ZFAT: variants seen among roughly 807,000 people sequenced by gnomAD.
ZFAT encodes zinc finger protein ZFAT.
Under a neutral mutation model 117.7 loss-of-function variants are expected in ZFAT, and 64 were observed. The ratio of observed to expected loss-of-function variants is 0.54; its 90% CI spans 0.44 to 0.67. The LOEUF (loss-of-function observed/expected upper bound fraction) is 0.67, where lower values mean the gene tolerates loss of function less well. Among genes scored for constraint, ZFAT ranks in the 30% least tolerant of loss-of-function variants. The pLI, the probability that ZFAT is intolerant of heterozygous loss-of-function variation, is 0.00. For missense variants in ZFAT, 1,433 were observed against 1,584.5 expected (o/e 0.90, Z 1.62); for synonymous variants, 679 against 615.0 (o/e 1.10, Z -1.54).
intron 1 of ZFAT, among the ~76,000 whole-genome samples, chr8:134,693,561 A>G (rs1027140718): frequency 2.0e-5 from 3 of 152,016 alleles, no homozygotes; most frequent in African/African-American, 7.3e-5. Flanking sequence ...TGCCTGTATC[A>G]AAGCATCACA....
the ZFAT span, among the ~76,000 whole-genome samples, chr8:134,722,565 C>T: frequency 2.5e-3 from 378 of 152,280 alleles, 1 homozygote; most frequent in African/African-American, 8.4e-3. Context: ...AGAAACGATC[C>T]GTGGTGTCAC....
Position 134,520,884 on chromosome 8 carries a change from T to G in ZFAT, c.3233A>C (p.Glu1078Ala), listed in dbSNP as rs778357529. ...VVEIDGDPKW[E>A]TATEAPEEPS... ...TAATACCATACTTAAAAAAATTACC[T>G]CCCACTTGGGGTCTCCATCAATTTC... is the stretch of plus-strand genomic sequence containing the variant. The change falls in exon 13 of 16, where the codon GAG (glutamate) becomes GCG (alanine). Residue 1078 changes from glutamate (E) to alanine (A), a missense_variant and splice_region_variant. Coordinates refer to ENST00000377838, the MANE Select transcript of ZFAT (RefSeq NM_020863.4). 1 of 1,612,866 alleles carries G rather than the reference T, an allele frequency of 6.2e-7. No homozygotes were observed. Among genetic ancestry groups the G allele is most frequent in the Non-Finnish European group, 8.5e-7 (1 of 1,179,170 alleles).
the ZFAT span, among the ~76,000 whole-genome samples, chr8:134,771,292 C>T: frequency 0.46 from 69,765 of 152,088 alleles, 16,784 homozygotes; most frequent in African/African-American, 0.61. Flanking sequence ...TTAAAGAAAA[C>T]AGAAAAGAAC....
intron 15 of ZFAT, among the ~76,000 whole-genome samples, chr8:134,499,326 G>T (rs551272665): frequency 7.0e-6 from 1 of 142,554 alleles, no homozygotes; most frequent in African/African-American, 2.6e-5. Context: ...GGTAGGGTCG[G>T]GGTGGAGCTG....
chr8:134,712,017 T>C (rs1814018592), intron 1 of ZFAT, among the ~76,000 whole-genome samples: 1 of 152,182 alleles, frequency 6.6e-6, no homozygotes, highest in South Asian at 2.1e-4. Context: ...GCCAGACTGA[T>C]GGGCAGGCGT....
rs199849844 is a variant in ZFAT at position 134,637,609 on chromosome 8, G to A, written c.300C>T (p.Asp100=). The A allele has an allele frequency of 5.9e-5, 95 of 1,614,218 alleles. 1 individual carries two copies. In the African/African-American group the frequency reaches 1.1e-3, roughly 18 times the overall value. ...LAENIVSPTE[D]SPLAPEEGNS... is the part of the protein sequence containing the mutation. The stretch of plus-strand genomic sequence containing the variant: ...TCCCTTCCTCCGGAGCCAGCGGGCT[G>A]TCCTCAGTCGGACTCACGATGTTTT... Residue 100 remains aspartate (D), a synonymous_variant, in exon 3 of 16, where the codon GAC becomes GAT. Coordinates refer to ENST00000377838, the MANE Select transcript of ZFAT (RefSeq NM_020863.4).
At chr8:134,486,328 T>C (rs1817653223) in intron 15 of ZFAT, among the ~76,000 whole-genome samples, 1 of 151,576 alleles carries the variant, frequency 6.6e-6, no homozygotes, top group Non-Finnish European at 1.5e-5. Flanking sequence ...GTGGTCTCTT[T>C]AGGACAGGAA....
At chr8:134,490,619 G>A (rs1040410655) in intron 15 of ZFAT, among the ~76,000 whole-genome samples, 12 of 152,198 alleles carry the variant, frequency 7.9e-5, no homozygotes, top group Non-Finnish European at 1.8e-4. Flanking sequence ...GGAATACAGC[G>A]GGCTGCTGTC....
At position 134,512,541 on chromosome 8, in the gene ZFAT, C is replaced by T. The variant is rs756390970; in HGVS notation, c.3295G>A (p.Glu1099Lys). 16 of 1,613,926 alleles carry T rather than the reference C, an allele frequency of 9.9e-6. 1 individual carries two copies. Among genetic ancestry groups the T allele is most frequent in the Middle Eastern group, 1.6e-4 (1 of 6,070 alleles). ...GCTGCCTGTGTCCCTTGAACGTCTT[C>T]TTCGGCCTCTGTGATGTGGAGATAC... ...TQYLHITEAE[E>K]DVQGTQAAVA... The change falls in exon 14 of 16, where the codon GAA (glutamate) becomes AAA (lysine). Residue 1099 changes from glutamate to lysine, a missense_variant. Physicochemically the swap from Glu to Lys is moderately conservative, Grantham distance 56. Coordinates refer to ENST00000377838, the MANE Select transcript of ZFAT (RefSeq NM_020863.4).
intron 10 of ZFAT, among the ~76,000 whole-genome samples, chr8:134,574,782 C>G (rs1215380695): frequency 6.6e-6 from 1 of 152,106 alleles, no homozygotes; most frequent in African/African-American, 2.4e-5. Flanking sequence ...TAATACTATT[C>G]TAGAGGCATA....
chr8:134,816,573 T>C, the ZFAT span, among the ~76,000 whole-genome samples: 3 of 152,008 alleles, frequency 2.0e-5, no homozygotes, highest in Non-Finnish European at 4.4e-5. Context: ...AAATAGAGGG[T>C]AATCCTAATT....
intron 1 of ZFAT, among the ~76,000 whole-genome samples, chr8:134,669,924 G>T (rs1832465358): frequency 6.6e-6 from 1 of 152,044 alleles, no homozygotes; most frequent in Non-Finnish European, 1.5e-5. Flanking sequence ...CAAGCAAATG[G>T]ACAACAAAAA....
chr8:134,545,218 A>G (rs1399780765), intron 11 of ZFAT, among the ~76,000 whole-genome samples: 1 of 152,228 alleles, frequency 6.6e-6, no homozygotes, highest in Non-Finnish European at 1.5e-5. Flanking sequence ...TAAACTTCAA[A>G]ACAAATACAC....
the ZFAT span, among the ~76,000 whole-genome samples, chr8:134,800,767 G>A: frequency 2.0e-5 from 3 of 152,146 alleles, no homozygotes; most frequent in Admixed American, 2.0e-4. Flanking sequence ...GCAGAAGTGA[G>A]TTGGGTGTTT....
At chr8:134,696,942 G>A (rs1037928398) in intron 1 of ZFAT, among the ~76,000 whole-genome samples, 1 of 150,188 alleles carries the variant, frequency 6.7e-6, no homozygotes, top group Non-Finnish European at 1.5e-5. Context: ...TTTTGGAGAC[G>A]AGTCTCGCTG....
chr8:134,498,359 A>T (rs1461964569), intron 15 of ZFAT, among the ~76,000 whole-genome samples: 10 of 139,018 alleles, frequency 7.2e-5, no homozygotes, highest in Non-Finnish European at 1.2e-4. Flanking sequence ...GGTTACACAC[A>T]CAGCCTGATT....
intron 11 of ZFAT, among the ~76,000 whole-genome samples, chr8:134,549,274 T>C (rs892982656): frequency 6.6e-6 from 1 of 151,938 alleles, no homozygotes; most frequent in African/African-American, 2.4e-5. Flanking sequence ...ACCCCGTTTC[T>C]ACTAAAAATA....
chr8:134,759,306 G>A, the ZFAT span, among the ~76,000 whole-genome samples: 1 of 152,254 alleles, frequency 6.6e-6, no homozygotes, highest in South Asian at 2.1e-4. Context: ...TGAGAGAAGG[G>A]TCAGGCCTCA....
At chr8:134,539,998 G>A (rs758561486) in intron 11 of ZFAT, among the ~76,000 whole-genome samples, 9 of 152,110 alleles carry the variant, frequency 5.9e-5, no homozygotes, top group Non-Finnish European at 1.0e-4. Flanking sequence ...AGATTAGATG[G>A]GGCACCAAAA....
Sources: gnomAD v4.1 joint callset for allele counts (sites outside exome capture counted in the v4.1 genomes callset) on GRCh38, gnomAD v4.1.1 for gene constraint, MANE v1.5 for transcripts, NCBI Gene and HGNC (gene_info 2026-07-23, HGNC 2026-07-21) for gene names.